Variants in SSB observed in about 807,000 individuals in gnomAD.
The protein encoded by SSB is lupus La protein.
In SSB, 17 loss-of-function variants were observed where a neutral mutation model predicts 52.9. That is an observed-to-expected ratio of 0.32 (90% CI 0.22 to 0.48). SSB has a LOEUF of 0.48. SSB is among the 20% of genes least tolerant of loss of function. The pLI, the probability that SSB is intolerant of heterozygous loss-of-function variation, is 0.99. For synonymous variants in SSB, 111 were observed against 152.1 expected, an observed-to-expected ratio of 0.73 and a Z score of 1.99; for missense variants, 314 against 463.6, an observed-to-expected ratio of 0.68 and a Z score of 2.96.
Position 169,805,369 on chromosome 2 carries a change from G to T in SSB, c.67-105G>T, listed in dbSNP as rs1020089387. ...ATTTGGGGAAAGTGTTTTGCCTTTT[G>T]TAACTTATGTATTTTTAAATAACAG... On this transcript the variant is annotated intron_variant, in intron 2 of 11. Transcript: ENST00000260956. The T allele has an allele frequency of 5.1e-6, 4 of 791,646 alleles. No individual in the cohort carries two copies. In the East Asian group the frequency reaches 8.0e-5, roughly 16 times the overall value. The allele number at this position is 791,646 out of a possible 1,614,324, so 49.0% of individuals were successfully genotyped here.
Position 169,811,847 on chromosome 2 carries a change from T to C in SSB, c.*91T>C, listed in dbSNP as rs911316803. 4 of 1,613,620 alleles carry C rather than the reference T, an allele frequency of 2.5e-6. No homozygotes were observed. Among genetic ancestry groups the C allele is most frequent in the Non-Finnish European group, 3.4e-6 (4 of 1,179,760 alleles). ...AAAAGGAAAACCGAATTAGGTCCAC[T>C]TCAATGTCCACCTGTGAGAAAGGAA... is the stretch of plus-strand genomic sequence containing the variant. On this transcript the variant is annotated 3_prime_UTR_variant, in exon 12 of 12. Transcript: ENST00000260956.
chr2:169,808,396 C>T, intron 6 of SSB, 86 bp from the exon 7 acceptor site: 4 of 1,030,502 alleles, frequency 3.9e-6, no homozygotes, highest in Non-Finnish European at 5.9e-6. Flanking sequence ...ACATTCATTG[C>T]TGTGCCATGT....
At chr2:169,803,484 G>A (rs373059880) in intron 2 of SSB, among the ~76,000 whole-genome samples, 5 of 152,122 alleles carry the variant, frequency 3.3e-5, no homozygotes, top group African/African-American at 9.6e-5. Context: ...TCCTGACCTC[G>A]GGTGATCCAC....
intron 2 of SSB, among the ~76,000 whole-genome samples, chr2:169,804,240 C>CTTTTTTTTTT (rs11447613): frequency 2.1e-5 from 2 of 95,342 alleles, no homozygotes; most frequent in African/African-American, 8.7e-5. Flanking sequence ...TTTACTTTAA[C>CTTTTTTTTTT]TTTTTTTTTT....
Position 169,806,893 on chromosome 2 carries a change from G to A in SSB, c.453+1G>A, listed in dbSNP as rs1051448. On this transcript the variant is annotated splice_donor_variant, in intron 5 of 11. Coordinates refer to ENST00000260956, the MANE Select transcript of SSB (RefSeq NM_003142.5). LOFTEE classifies it high-confidence loss of function. ...AAGAACATTGCATAAAGCATTTAAG[G>A]TATGATAATACAGACTTTTTCTAGT... 1.2e-6 allele frequency: 2 copies of A among 1,610,796 alleles called. No homozygotes were observed. The highest frequency in any genetic ancestry group is 1.7e-6 in the Non-Finnish European group (2 of 1,178,442).
intron 4 of SSB, 116 bp from the exon 5 acceptor site, chr2:169,806,669 G>T (rs1689835373): frequency 2.6e-6 from 2 of 767,478 alleles, no homozygotes; most frequent in Middle Eastern, 2.5e-4. Flanking sequence ...AAGAGAAATA[G>T]AGATAGATAG....
intron 3 of SSB, 40 bp from the exon 4 acceptor site, chr2:169,805,625 T>C: frequency 6.2e-7 from 1 of 1,611,622 alleles, no homozygotes; most frequent in Non-Finnish European, 8.5e-7. Context: ...TTACAATGAG[T>C]GCTACTGCTG....
intron 6 of SSB, among the ~76,000 whole-genome samples, chr2:169,807,314 G>A (rs1458601404): frequency 6.6e-6 from 1 of 151,148 alleles, no homozygotes; most frequent in Non-Finnish European, 1.5e-5. Flanking sequence ...TTTGAGACAA[G>A]TTTCACTCTT....
At position 169,807,069 on chromosome 2, in the gene SSB, C is replaced by G. The variant is rs756488413; in HGVS notation, c.552C>G (p.Phe184Leu). ...AAGAAACAGACCTGCTAATACTTTTCAAGTAAGTCTTTTTGCTGATGTTTC... is the reference window on the plus strand; with the variant it reads ...AAGAAACAGACCTGCTAATACTTTTGAAGTAAGTCTTTTTGCTGATGTTTC... ...KYKETDLLIL[F>L]KDDYFAKKNE... Residue 184 changes from phenylalanine to leucine, a missense_variant and splice_region_variant, in exon 6 of 12, where the codon TTC becomes TTG. Coordinates refer to ENST00000260956, the MANE Select transcript of SSB (RefSeq NM_003142.5). The G allele has an allele frequency of 2.7e-5, 43 of 1,613,106 alleles. No homozygotes were observed. Among genetic ancestry groups the G allele is most frequent in the Non-Finnish European group, 3.6e-5 (43 of 1,179,482 alleles).
chr2:169,803,083 C>T (rs996338984), intron 2 of SSB, among the ~76,000 whole-genome samples: 5 of 152,174 alleles, frequency 3.3e-5, no homozygotes, highest in Non-Finnish European at 7.4e-5. Context: ...TGTCAGTTTA[C>T]ATCTACCTGA....
At chr2:169,800,684 A>G (rs1689695020) in intron 1 of SSB, among the ~76,000 whole-genome samples, 1 of 152,182 alleles carries the variant, frequency 6.6e-6, no homozygotes, top group Admixed American at 6.5e-5. Context: ...TGACCAGCTA[A>G]GTGAAGATAA....
chr2:169,811,067 T>C, intron 10 of SSB, 23 bp downstream of exon 10: 1 of 1,603,140 alleles, frequency 6.2e-7, no homozygotes, highest in Non-Finnish European at 8.5e-7. Flanking sequence ...GATTTTTCTT[T>C]AACAGTTTGG....
chr2:169,800,845 T>C, intron 1 of SSB, 107 bp from the exon 2 acceptor site: 1 of 766,156 alleles, frequency 1.3e-6, no homozygotes, highest in Non-Finnish European at 1.9e-6. Flanking sequence ...AAATAGAAAT[T>C]CTTGATTTTT....
Position 169,807,050 on chromosome 2 carries a change from C to T in SSB, c.533C>T (p.Thr178Ile), listed in dbSNP as rs1689844342. 1 of 1,613,902 alleles carries T rather than the reference C, an allele frequency of 6.2e-7. No homozygotes were observed. Among genetic ancestry groups the T allele is most frequent in the Admixed American group, 1.7e-5 (1 of 59,996 alleles). Residue 178 changes from threonine to isoleucine, a missense_variant, in exon 6 of 12, where the codon ACA (threonine) becomes ATA (isoleucine). Thr to Ile is a moderately conservative substitution (Grantham distance 89, BLOSUM62 -1). Coordinates refer to ENST00000260956, the MANE Select transcript of SSB (RefSeq NM_003142.5). ...VETPGQKYKE[T>I]DLLILFKDDY... The stretch of plus-strand genomic sequence containing the variant: ...ACCCCTGGCCAGAAGTACAAAGAAA[C>T]AGACCTGCTAATACTTTTCAAGTAA...
At position 169,805,468 on chromosome 2, in the gene SSB, TCA is replaced by T. The variant is rs1255584401; in HGVS notation, c.67-3_67-2del. 1.3e-6 allele frequency: 2 copies of T among 1,598,160 alleles called. No homozygotes were observed. Among genetic ancestry groups the T allele is most frequent in the Admixed American group, 3.3e-5 (2 of 59,938 alleles). On this transcript the variant is annotated splice_polypyrimidine_tract_variant and splice_region_variant and intron_variant, in intron 2 of 11. Coordinates refer to ENST00000260956, the MANE Select transcript of SSB (RefSeq NM_003142.5). ...TGTTCTGAAATACATTGTAATTATC[TCA>T]CAGTATTATTTTGGCGACTTCAATT...
Position 169,810,349 on chromosome 2 carries a change from A to G in SSB, c.736A>G (p.Arg246Gly), listed in dbSNP as rs1247538983. 1 of 1,610,206 alleles carries G rather than the reference A, an allele frequency of 6.2e-7. No individual in the cohort carries two copies. Among genetic ancestry groups the G allele is most frequent in the African/African-American group, 1.3e-5 (1 of 74,798 alleles). Residue 246 changes from arginine (R) to glycine (G), a missense_variant, in exon 9 of 12, where the codon AGA becomes GGA. Transcript: ENST00000260956. The stretch of plus-strand genomic sequence containing the variant: ...GGGTGATTTAGATGATCAGACCTGT[A>G]GAGAAGATTTACACATACTTTTCTC... ...FSGDLDDQTC[R>G]EDLHILFSNH...
rs1334467582 is a variant in SSB at position 169,808,817 on chromosome 2, T to C, written c.627-43T>C. On this transcript the variant is annotated intron_variant, in intron 7 of 11. Coordinates refer to ENST00000260956, the MANE Select transcript of SSB (RefSeq NM_003142.5). ...ACTTTATTAGGACTTAATTTTCTTA[T>C]ATAGTAAATAGAAGTATGTTATAAT... 5.7e-6 allele frequency: 8 copies of C among 1,414,408 alleles called. No homozygotes were observed. In the East Asian group the frequency reaches 9.4e-5, roughly 17 times the overall value. 87.6% of individuals were successfully genotyped at this position (1,414,408 alleles called of 1,614,324 possible).
intron 11 of SSB, 143 bp from the exon 12 acceptor site, chr2:169,811,525 G>T: frequency 7.7e-7 from 1 of 1,302,582 alleles, no homozygotes. Context: ...GGTCAGGTCT[G>T]TACTAAGAGA....
chr2:169,799,891 T>A (rs1689671692), intron 1 of SSB, among the ~76,000 whole-genome samples: 1 of 151,922 alleles, frequency 6.6e-6, no homozygotes, highest in African/African-American at 2.4e-5. Context: ...CACATAACTT[T>A]TGTACAGTTG....
Sources: gnomAD v4.1 joint callset for allele counts (sites outside exome capture counted in the v4.1 genomes callset) on GRCh38, gnomAD v4.1.1 for gene constraint, MANE v1.5 for transcripts, NCBI Gene and HGNC (gene_info 2026-07-23, HGNC 2026-07-21) for gene names.